PHLPP1: variants seen among roughly 807,000 people sequenced by gnomAD.
The protein encoded by PHLPP1 is PH domain leucine-rich repeat-containing protein phosphatase 1.
Under a neutral mutation model 117.2 loss-of-function variants are expected in PHLPP1, and 42 were observed. The ratio of observed to expected loss-of-function variants is 0.36; its 90% CI spans 0.28 to 0.46. The LOEUF is 0.46. PHLPP1 is among the 20% of genes least tolerant of loss of function. PHLPP1 has a pLI of 1.00. For missense variants in PHLPP1, 2,084 were observed against 2,241.9 expected (o/e 0.93, Z 1.42); for synonymous variants, 1,042 against 970.7 (o/e 1.07, Z -1.37).
chr18:62,768,700 T>C (rs1308504031), intron 1 of PHLPP1, among the ~76,000 whole-genome samples: 1 of 152,226 alleles, frequency 6.6e-6, no homozygotes, highest in Non-Finnish European at 1.5e-5. Flanking sequence ...AAGAGGCTGC[T>C]CTAGGCATTC....
chr18:62,878,637 A>G (rs927754319), intron 4 of PHLPP1, among the ~76,000 whole-genome samples: 3 of 152,200 alleles, frequency 2.0e-5, no homozygotes, highest in Non-Finnish European at 4.4e-5. Flanking sequence ...CTGTAAAAGC[A>G]GGGCACACCC....
At chr18:62,928,172 TAAGC>T (rs963773461) in intron 10 of PHLPP1, among the ~76,000 whole-genome samples, 3 of 152,084 alleles carry the variant, frequency 2.0e-5, no homozygotes, top group African/African-American at 7.2e-5. Context: ...ACCAAAAACA[TAAGC>T]AACAACTAAA....
At chr18:62,730,348 C>T (rs1230731768) in intron 1 of PHLPP1, among the ~76,000 whole-genome samples, 1 of 152,154 alleles carries the variant, frequency 6.6e-6, no homozygotes, top group Non-Finnish European at 1.5e-5. Context: ...CTAGTTCTTA[C>T]ACACCATCCC....
chr18:62,795,548 A>G (rs1330774161), intron 1 of PHLPP1, among the ~76,000 whole-genome samples: 2 of 151,428 alleles, frequency 1.3e-5, no homozygotes, highest in Non-Finnish European at 2.9e-5. Context: ...TTCTTAACTC[A>G]CTGGTCACTC....
chr18:62,767,323 A>G (rs554858470), intron 1 of PHLPP1, among the ~76,000 whole-genome samples: 12 of 152,224 alleles, frequency 7.9e-5, no homozygotes, highest in Non-Finnish European at 1.5e-4. Context: ...CTCTCAGTTA[A>G]TGAACAGTGG....
At chr18:62,751,738 G>C (rs953355629) in intron 1 of PHLPP1, among the ~76,000 whole-genome samples, 1 of 152,152 alleles carries the variant, frequency 6.6e-6, no homozygotes, top group Non-Finnish European at 1.5e-5. Flanking sequence ...GGGGTGGATG[G>C]AGGGGGAGGG....
chr18:62,978,327 T>G lies in PHLPP1; in HGVS notation c.4050T>G (p.Ser1350Arg). Residue 1350 changes from serine (S) to arginine (R), a missense_variant, in exon 17 of 17, where the codon AGT becomes AGG. Physicochemically the swap from Ser to Arg is moderately radical, Grantham distance 110. Around this residue, in one of 2 missense-constraint regions of PHLPP1, gnomAD observed 1,365 missense variants for 1,605.9 expected, o/e 0.85. Transcript: ENST00000262719. The surrounding 1 kb of genome is among the most constrained non-coding windows in gnomAD (Gnocchi z 7.0). ...RILGYTFLHP[S>R]VVPRPHVQSV... ...TGGGCTACACCTTCCTCCATCCCAG[T>G]GTGGTGCCTCGCCCCCACGTGCAGT... The G allele has an allele frequency of 1.2e-6, 2 of 1,613,052 alleles. No homozygotes were observed. The highest frequency in any genetic ancestry group is 1.7e-6 in the Non-Finnish European group (2 of 1,179,296).
Position 62,903,020 on chromosome 18 carries a change from C to A in PHLPP1, c.2501C>A (p.Thr834Asn). 6.2e-7 allele frequency: 1 copy of A among 1,613,196 alleles called. No individual in the cohort carries two copies. Among genetic ancestry groups the A allele is most frequent in the Non-Finnish European group, 8.5e-7 (1 of 1,179,528 alleles). ...GAAGTGGACTTTCTACAGCATGTTA[C>A]TCAGCTTGACCTACGAGACAATAAG... Reference protein sequence around the residue: ...ADEVDFLQHVTQLDLRDNKLG... With the variant: ...ADEVDFLQHVNQLDLRDNKLG... The change falls in exon 7 of 17, where the codon ACT (threonine) becomes AAT (asparagine). Residue 834 changes from threonine to asparagine, a missense_variant. Thr to Asn is a moderately conservative substitution (Grantham distance 65). Transcript: ENST00000262719.
In PHLPP1 at chr18:62,919,945, C is replaced by T. The variant is rs777448971; in HGVS notation, c.2805-14C>T. Reference sequence around the variant, plus strand: ...TCTTTTTCATTTTTTGGTCTTTTGTCCCTTTTTATACAGCTTATTTTGTAA... The same window carrying T: ...TCTTTTTCATTTTTTGGTCTTTTGTTCCTTTTTATACAGCTTATTTTGTAA... On this transcript the variant is annotated splice_polypyrimidine_tract_variant and intron_variant, in intron 9 of 16. Coordinates refer to ENST00000262719, the MANE Select transcript of PHLPP1 (RefSeq NM_194449.4). 2 of 1,563,896 alleles carry T rather than the reference C, an allele frequency of 1.3e-6. No individual in the cohort carries two copies. The highest frequency in any genetic ancestry group is 2.3e-5 in the East Asian group (1 of 42,920).
rs777939133 is a variant in PHLPP1, at chr18:62,979,141, A to C, written c.4864A>C (p.Arg1622=). 19 of 1,613,916 alleles carry C rather than the reference A, an allele frequency of 1.2e-5. No individual in the cohort carries two copies. The highest frequency in any genetic ancestry group is 1.4e-5 in the Non-Finnish European group (16 of 1,179,856). The change falls in exon 17 of 17, where the codon AGG becomes CGG. Residue 1622 remains arginine, a synonymous_variant. Coordinates refer to ENST00000262719, the MANE Select transcript of PHLPP1 (RefSeq NM_194449.4). ...TGCCGTTGGGACCATTGGGCGCCGG[A>C]GGGCCAATGGCTCTGTTGCGCCCCA... The part of the protein sequence containing the change: ...FSAVGTIGRR[R]ANGSVAPQER...
chr18:62,925,674 G>A (rs963696862), intron 10 of PHLPP1, among the ~76,000 whole-genome samples: 2 of 152,094 alleles, frequency 1.3e-5, no homozygotes, highest in Non-Finnish European at 2.9e-5. Context: ...CAGTGACGAG[G>A]GCTATCTTTT....
chr18:62,818,105 A>G (rs1278189333), intron 1 of PHLPP1, among the ~76,000 whole-genome samples: 1 of 151,996 alleles, frequency 6.6e-6, no homozygotes, highest in Non-Finnish European at 1.5e-5. Flanking sequence ...TGGCCTTCCA[A>G]AGTGCTGGGA....
At chr18:62,942,002 C>A (rs1910145281) in intron 11 of PHLPP1, 84 bp downstream of exon 11, 1 of 1,096,110 alleles carries the variant, frequency 9.1e-7, no homozygotes, top group Non-Finnish European at 1.3e-6. Flanking sequence ...ATATTTATTT[C>A]CCAGGTGATG....
chr18:62,783,421 G>A (rs1310053806), intron 1 of PHLPP1, among the ~76,000 whole-genome samples: 1 of 151,814 alleles, frequency 6.6e-6, no homozygotes, highest in African/African-American at 2.4e-5. Flanking sequence ...GTAGAGACGG[G>A]GTTTCACCAT....
chr18:62,946,656 C>T (rs376725646), intron 12 of PHLPP1, among the ~76,000 whole-genome samples: 3 of 151,536 alleles, frequency 2.0e-5, no homozygotes, highest in East Asian at 3.8e-4. Flanking sequence ...TGTGTGTGTG[C>T]GCACGCATGT....
intron 1 of PHLPP1, among the ~76,000 whole-genome samples, chr18:62,803,465 T>C (rs1275790829): frequency 6.6e-6 from 1 of 152,236 alleles, no homozygotes; most frequent in African/African-American, 2.4e-5. Flanking sequence ...AAATAGTAGC[T>C]TATCATATGT....
chr18:62,801,215 G>A (rs1188622963), intron 1 of PHLPP1, among the ~76,000 whole-genome samples: 1 of 151,012 alleles, frequency 6.6e-6, no homozygotes, highest in Admixed American at 6.6e-5. Flanking sequence ...GCTAGTTTTT[G>A]TATTTTTAGT....
At chr18:62,943,352 G>A (rs768531935) in intron 11 of PHLPP1, among the ~76,000 whole-genome samples, 4 of 152,164 alleles carry the variant, frequency 2.6e-5, no homozygotes, top group Non-Finnish European at 5.9e-5. Context: ...TTAAATGGTT[G>A]CTGAATTAAA....
intron 11 of PHLPP1, among the ~76,000 whole-genome samples, chr18:62,943,671 C>T (rs1910194466): frequency 6.6e-6 from 1 of 152,086 alleles, no homozygotes; most frequent in Admixed American, 6.6e-5. Flanking sequence ...CTCTGATTAC[C>T]ATGGGAAGGG....
Sources: gnomAD v4.1 joint callset for allele counts (sites outside exome capture counted in the v4.1 genomes callset) on GRCh38, gnomAD v4.1.1 for gene constraint, gnomAD v4.1.1 regional missense constraint, Gnocchi (gnomAD v3.1) non-coding constraint, MANE v1.5 for transcripts, NCBI Gene and HGNC (gene_info 2026-07-23, HGNC 2026-07-21) for gene names.